The following KCNIP4 variants were observed in gnomAD, a reference collection of about 807,000 sequenced individuals.
KCNIP4 encodes the protein potassium voltage-gated channel interacting protein 4.
Under a neutral mutation model 34.0 loss-of-function variants are expected in KCNIP4, and 12 were observed. That is an observed-to-expected ratio of 0.35 (90% CI 0.23 to 0.57). The LOEUF (loss-of-function observed/expected upper bound fraction) is 0.57. Ranked by LOEUF, KCNIP4 falls within the 20% of genes least tolerant of loss-of-function variation. KCNIP4 has a pLI of 0.83. For synonymous variants in KCNIP4, 124 were observed against 102.2 expected, an observed-to-expected ratio of 1.21 and a Z score of -1.29; for missense variants, 238 against 311.7, an observed-to-expected ratio of 0.76 and a Z score of 1.78.
At chr4:21,346,079 T>TATATATATATATATATA (rs1247258720) in intron 1 of KCNIP4, among the ~76,000 whole-genome samples, 1 of 128,266 alleles carries the variant, frequency 7.8e-6, no homozygotes, top group Admixed American at 1.1e-4. Context: ...AATATATATA[T>TATATATATATATATATA]TTAAGATATT....
At chr4:21,816,960 GAATT>G (rs1036660477) in intron 1 of KCNIP4, among the ~76,000 whole-genome samples, 39 of 152,238 alleles carry the variant, frequency 2.6e-4, no homozygotes, top group African/African-American at 6.5e-4. Flanking sequence ...GCTGTTGTGA[GAATT>G]AATTAATTAA....
At chr4:21,816,837 G>A (rs773739413) in intron 1 of KCNIP4, among the ~76,000 whole-genome samples, 11 of 152,188 alleles carry the variant, frequency 7.2e-5, no homozygotes, top group East Asian at 1.9e-4. Flanking sequence ...TCTTGGGTTC[G>A]GATCTTGGTT....
chr4:21,445,934 AC>A (rs1727944757), intron 1 of KCNIP4, among the ~76,000 whole-genome samples: 1 of 152,220 alleles, frequency 6.6e-6, no homozygotes, highest in Non-Finnish European at 1.5e-5. Flanking sequence ...CAAGAAAAAA[AC>A]AAACAACCCC....
At chr4:21,477,880 G>A (rs1731119330) in intron 1 of KCNIP4, among the ~76,000 whole-genome samples, 1 of 151,970 alleles carries the variant, frequency 6.6e-6, no homozygotes, top group Admixed American at 6.6e-5. Flanking sequence ...CAAGCCTGGT[G>A]GTATTTTCTT....
intron 1 of KCNIP4, among the ~76,000 whole-genome samples, chr4:21,400,558 CTCTTCTCTT>C (rs1723455338): frequency 2.6e-5 from 2 of 78,220 alleles, no homozygotes; most frequent in African/African-American, 7.6e-5. Flanking sequence ...CTCTTCTCTT[CTCTTCTCTT>C]CTCTTCTCTT....
chr4:21,474,417 C>A (rs1495501), intron 1 of KCNIP4, among the ~76,000 whole-genome samples: 18,993 of 152,114 alleles, frequency 0.12, 1,352 homozygotes, highest in South Asian at 0.21. Context: ...AAACAAAAAA[C>A]GATCAATTCA....
chr4:21,744,005 T>C (rs749440141), intron 1 of KCNIP4, among the ~76,000 whole-genome samples: 19 of 152,032 alleles, frequency 1.2e-4, no homozygotes, highest in Non-Finnish European at 1.6e-4. Context: ...AAAATCTAGA[T>C]TATAACCTTC....
intron 1 of KCNIP4, among the ~76,000 whole-genome samples, chr4:20,943,249 T>C (rs556388687): frequency 7.2e-5 from 11 of 152,332 alleles, no homozygotes; most frequent in Middle Eastern, 3.4e-3. Context: ...TCTGAAGATG[T>C]GTGGCTGCCA....
chr4:21,213,965 C>G (rs1175610279), intron 1 of KCNIP4, among the ~76,000 whole-genome samples: 1 of 152,178 alleles, frequency 6.6e-6, no homozygotes, highest in Non-Finnish European at 1.5e-5. Flanking sequence ...AGCCCAGACA[C>G]TGCATTTACA....
intron 3 of KCNIP4, among the ~76,000 whole-genome samples, chr4:20,819,424 A>G (rs567224157): frequency 1.5e-3 from 229 of 152,278 alleles, no homozygotes; most frequent in Non-Finnish European, 2.8e-3. Context: ...CTATGGCACT[A>G]TGGCATAAGA....
At chr4:21,349,723 G>A (rs1223556543) in intron 1 of KCNIP4, among the ~76,000 whole-genome samples, 1 of 152,056 alleles carries the variant, frequency 6.6e-6, no homozygotes, top group East Asian at 1.9e-4. Context: ...GAGTGTGCAG[G>A]GGCAGGTAAC....
At chr4:21,903,969 GA>G (rs1461280521) in intron 1 of KCNIP4, among the ~76,000 whole-genome samples, 1 of 152,074 alleles carries the variant, frequency 6.6e-6, no homozygotes, top group Non-Finnish European at 1.5e-5. Context: ...TTGTTAAAAA[GA>G]AATGGGACTT....
rs1208485695 is a variant in KCNIP4 at position 20,732,730 on chromosome 4, G to A, written c.593C>T (p.Pro198Leu). The change falls in exon 7 of 9, where the codon CCT becomes CTT. Residue 198 changes from proline to leucine, a missense_variant. Physicochemically the swap from Pro to Leu is moderately conservative, Grantham distance 98. Coordinates refer to ENST00000382152, the MANE Select transcript of KCNIP4 (RefSeq NM_025221.6). Reference protein sequence around the residue: ...IYDMMGKCTYPVLKEDAPRQH... With the variant: ...IYDMMGKCTYLVLKEDAPRQH... Reference sequence around the variant, plus strand: ...TCTGGGAGCATCTTCTTTGAGGACAGGATATGTACATTTACCCATCATATC... The same window carrying A: ...TCTGGGAGCATCTTCTTTGAGGACAAGATATGTACATTTACCCATCATATC... The A allele has an allele frequency of 6.2e-7, 1 of 1,612,804 alleles. No individual in the cohort carries two copies. The highest frequency in any genetic ancestry group is 8.5e-7 in the Non-Finnish European group (1 of 1,179,184).
intron 1 of KCNIP4, among the ~76,000 whole-genome samples, chr4:20,946,385 A>G (rs1732192379): frequency 6.6e-6 from 1 of 152,162 alleles, no homozygotes; most frequent in Non-Finnish European, 1.5e-5. Context: ...GAGTTTCGAG[A>G]AACAGAGAGA....
chr4:21,546,070 T>C (rs1179194986), intron 1 of KCNIP4, among the ~76,000 whole-genome samples: 2 of 152,118 alleles, frequency 1.3e-5, no homozygotes, highest in Admixed American at 1.3e-4. Flanking sequence ...GAACCCTTTA[T>C]TGGGGTTTTG....
chr4:20,818,263 C>G (rs960712639), intron 3 of KCNIP4, among the ~76,000 whole-genome samples: 1 of 152,174 alleles, frequency 6.6e-6, no homozygotes, highest in Admixed American at 6.5e-5. Context: ...CCAAAGACAT[C>G]CTATGAGTAG....
chr4:20,935,527 G>C (rs1015107638), intron 1 of KCNIP4, among the ~76,000 whole-genome samples: 1 of 151,990 alleles, frequency 6.6e-6, no homozygotes, highest in African/African-American at 2.4e-5. Context: ...CCTCTCTCTA[G>C]GCCATTCTTA....
chr4:21,840,636 A>C (rs1206636346), intron 1 of KCNIP4, among the ~76,000 whole-genome samples: 1 of 152,112 alleles, frequency 6.6e-6, no homozygotes, highest in African/African-American at 2.4e-5. Context: ...GTTGTTAAAG[A>C]GTTTTTCTTT....
At chr4:20,959,570 A>T (rs1733649327) in intron 1 of KCNIP4, among the ~76,000 whole-genome samples, 1 of 152,130 alleles carries the variant, frequency 6.6e-6, no homozygotes, top group Admixed American at 6.5e-5. Flanking sequence ...GAAAACTGTT[A>T]ATCATCCCTA....
Sources: allele counts gnomAD v4.1 joint callset (sites outside exome capture counted in the v4.1 genomes callset), GRCh38; gene constraint gnomAD v4.1.1; transcripts MANE v1.5; gene names NCBI Gene and HGNC (gene_info 2026-07-23, HGNC 2026-07-21).